Variants in GRIP1 observed in about 807,000 individuals in gnomAD.
The protein encoded by GRIP1 is glutamate receptor interacting protein 1, also known as glutamate receptor-interacting protein 1.
GRIP1 carries 45 observed loss-of-function variants against 129.9 expected under a neutral mutation model. The ratio of observed to expected loss-of-function variants is 0.35; its 90% CI spans 0.27 to 0.44. The LOEUF is 0.44. Among genes scored for constraint, GRIP1 ranks in the 20% least tolerant of loss-of-function variants. The probability of loss-of-function intolerance (pLI) is 1.00; values close to 1 mark genes in which losing one functional copy is unlikely to be tolerated. For missense variants in GRIP1, 1,196 were observed against 1,396.8 expected (o/e 0.86, Z 2.29); for synonymous variants, 530 against 520.8 (o/e 1.02, Z -0.24).
At chr12:66,547,020 C>A (rs79478652) in intron 2 of GRIP1, among the ~76,000 whole-genome samples, 1,608 of 152,056 alleles carry the variant, frequency 0.011, 40 homozygotes, top group East Asian at 0.1. Flanking sequence ...CAACAAAAGA[C>A]AAAAGACTAG....
chr12:66,612,290 C>T (rs1478842554), intron 1 of GRIP1, among the ~76,000 whole-genome samples: 7 of 152,128 alleles, frequency 4.6e-5, no homozygotes, highest in African/African-American at 1.7e-4. Context: ...CAGCCTATTG[C>T]TCCTAGGCTA....
At chr12:66,873,751 T>C (rs2040335876) in intron 1 of GRIP1, among the ~76,000 whole-genome samples, 3 of 152,088 alleles carry the variant, frequency 2.0e-5, no homozygotes, top group African/African-American at 4.8e-5. Flanking sequence ...TGCATTTGCT[T>C]TCAAAGCACT....
At chr12:66,538,334 G>A (rs1243833852) in intron 4 of GRIP1, among the ~76,000 whole-genome samples, 1 of 151,986 alleles carries the variant, frequency 6.6e-6, no homozygotes, top group African/African-American at 2.4e-5. Context: ...CAAGTAGCTG[G>A]GACTACAGGC....
At chr12:66,356,564 C>A (rs975299113) in intron 23 of GRIP1, among the ~76,000 whole-genome samples, 1 of 152,080 alleles carries the variant, frequency 6.6e-6, no homozygotes, top group South Asian at 2.1e-4. Flanking sequence ...AAATTTCATA[C>A]ATATTCTAGA....
upstream of GRIP1, among the ~76,000 whole-genome samples, chr12:66,807,591 G>A (rs1032862133): frequency 2.0e-5 from 3 of 151,934 alleles, no homozygotes; most frequent in Non-Finnish European, 2.9e-5. Context: ...AGAGAATGGC[G>A]TGAACCTGGG....
At chr12:66,481,608 A>G (rs560711970) in intron 7 of GRIP1, among the ~76,000 whole-genome samples, 10 of 152,198 alleles carry the variant, frequency 6.6e-5, no homozygotes. Context: ...GTATATACCC[A>G]AAGGATTATA....
At chr12:66,922,175 A>G (rs529961541) in intron 1 of GRIP1, among the ~76,000 whole-genome samples, 7 of 152,340 alleles carry the variant, frequency 4.6e-5, no homozygotes, top group Non-Finnish European at 8.8e-5. Flanking sequence ...AAACCAATTA[A>G]TAAATACACA....
chr12:67,022,741 AAGGCGC>A (rs1565643464), intron 1 of GRIP1, among the ~76,000 whole-genome samples: 2 of 152,122 alleles, frequency 1.3e-5, no homozygotes, highest in Admixed American at 1.3e-4. Flanking sequence ...ACAAGGGGTA[AAGGCGC>A]AGGTTTGTTA....
At position 66,550,958 on chromosome 12, in the gene GRIP1, C is replaced by T. The variant is rs563888312; in HGVS notation, c.137-9008G>A. ...TGCTTCAAGAGCCTCAGGCAGTTTTCCTTTGGAAAAACTTTCCATCTGTAA... is the reference window on the plus strand; with the variant it reads ...TGCTTCAAGAGCCTCAGGCAGTTTTTCTTTGGAAAAACTTTCCATCTGTAA... On this transcript the variant is annotated intron_variant, in intron 2 of 24. Coordinates refer to ENST00000359742, the MANE Select transcript of GRIP1 (RefSeq NM_001366722.1). Among the ~76,000 whole-genome samples, 153 of 152,262 alleles carry T rather than the reference C, an allele frequency of 1.0e-3. 1 individual carries two copies. The highest frequency in any genetic ancestry group is 1.7e-3 in the Non-Finnish European group (115 of 68,016).
intron 1 of GRIP1, among the ~76,000 whole-genome samples, chr12:66,838,534 G>T (rs1029414916): frequency 6.6e-6 from 1 of 152,110 alleles, no homozygotes; most frequent in African/African-American, 2.4e-5. Flanking sequence ...GGCACAACAC[G>T]CTCATTCACG....
At chr12:66,937,597 G>T (rs998746601) in intron 1 of GRIP1, among the ~76,000 whole-genome samples, 2 of 152,186 alleles carry the variant, frequency 1.3e-5, no homozygotes, top group African/African-American at 4.8e-5. Flanking sequence ...GAGAAAGGGT[G>T]TGAGAATAGA....
At chr12:66,519,541 T>C (rs1005401505) in intron 5 of GRIP1, among the ~76,000 whole-genome samples, 1 of 152,204 alleles carries the variant, frequency 6.6e-6, no homozygotes, top group Non-Finnish European at 1.5e-5. Flanking sequence ...CAATATGTAA[T>C]ATCGAATGCT....
At chr12:66,375,243 C>T (rs2055730226) in intron 22 of GRIP1, among the ~76,000 whole-genome samples, 2 of 152,098 alleles carry the variant, frequency 1.3e-5, no homozygotes, top group African/African-American at 2.4e-5. Context: ...AAGACTCATT[C>T]AAATTTCTCT....
At chr12:66,647,009 T>C (rs1352883459) in intron 1 of GRIP1, among the ~76,000 whole-genome samples, 1 of 152,166 alleles carries the variant, frequency 6.6e-6, no homozygotes, top group African/African-American at 2.4e-5. Flanking sequence ...GAGAAAATGG[T>C]GGTACACACA....
chr12:66,642,875 G>T (rs952391190), intron 1 of GRIP1, among the ~76,000 whole-genome samples: 10 of 152,068 alleles, frequency 6.6e-5, no homozygotes, highest in African/African-American at 2.2e-4. Flanking sequence ...AAGTCAAGAA[G>T]CCTAAGTATA....
At chr12:66,506,382 C>T (rs946744639) in intron 7 of GRIP1, among the ~76,000 whole-genome samples, 1 of 152,090 alleles carries the variant, frequency 6.6e-6, no homozygotes, top group Non-Finnish European at 1.5e-5. Context: ...TTGCTATAGA[C>T]AACAATATGA....
chr12:66,350,419 G>C (rs113751438), intron 24 of GRIP1, among the ~76,000 whole-genome samples: 1,906 of 152,252 alleles, frequency 0.013, 44 homozygotes, highest in African/African-American at 0.044. Flanking sequence ...AGAATCGCTT[G>C]AACCTGGGAG....
intron 1 of GRIP1, among the ~76,000 whole-genome samples, chr12:66,645,607 C>T (rs1179768875): frequency 6.6e-6 from 1 of 152,046 alleles, no homozygotes; most frequent in African/African-American, 2.4e-5. Flanking sequence ...GAATTAACTC[C>T]CATTAAAAGC....
intron 1 of GRIP1, among the ~76,000 whole-genome samples, chr12:66,783,962 A>G (rs2038237445): frequency 1.3e-5 from 2 of 152,270 alleles, no homozygotes; most frequent in East Asian, 3.9e-4. Flanking sequence ...TTTCCTTTCA[A>G]TTCATTCATA....
Sources: gnomAD v4.1 joint callset for allele counts (sites outside exome capture counted in the v4.1 genomes callset) on GRCh38, gnomAD v4.1.1 for gene constraint, MANE v1.5 for transcripts, NCBI Gene and HGNC (gene_info 2026-07-23, HGNC 2026-07-21) for gene names.